The following B3GALT1 variants were observed in gnomAD, a reference collection of about 807,000 sequenced individuals.
B3GALT1 encodes the protein UDP-Gal:betaGlcNAc beta 1,3-galactosyltransferase, polypeptide 1.
A neutral mutation model predicts 23.2 loss-of-function variants in B3GALT1; 10 were observed. The observed-to-expected ratio is 0.43, with a 90% confidence interval of 0.27 to 0.73. The LOEUF (loss-of-function observed/expected upper bound fraction) is 0.73. Among genes scored for constraint, B3GALT1 ranks in the 30% least tolerant of loss-of-function variants. B3GALT1 has a pLI of 0.21. For synonymous variants in B3GALT1, 156 were observed against 141.5 expected, an observed-to-expected ratio of 1.10 and a Z score of -0.73; for missense variants, 299 against 405.4, an observed-to-expected ratio of 0.74 and a Z score of 2.25.
chr2:167,679,122 G>GTT (rs34522800), intron 3 of B3GALT1, among the ~76,000 whole-genome samples: 2,229 of 144,982 alleles, frequency 0.015, 50 homozygotes, highest in African/African-American at 0.048. Flanking sequence ...TTTTGTTTTT[G>GTT]TTTTTTTTTT....
intron 3 of B3GALT1, among the ~76,000 whole-genome samples, chr2:167,795,917 G>A (rs1002964196): frequency 1.3e-5 from 2 of 152,166 alleles, no homozygotes; most frequent in Non-Finnish European, 2.9e-5. Flanking sequence ...CATATCCTGG[G>A]CAGTGCATTC....
chr2:167,382,899 A>T (rs1170943707), intron 1 of B3GALT1, among the ~76,000 whole-genome samples: 1 of 152,130 alleles, frequency 6.6e-6, no homozygotes, highest in African/African-American at 2.4e-5. Context: ...TTCCTTATAT[A>T]TTTACTGAAA....
At chr2:167,490,140 C>A (rs1312166278) in intron 1 of B3GALT1, 37 bp from the exon 2 acceptor site, 1 of 152,124 alleles carries the variant, frequency 6.6e-6, no homozygotes, top group South Asian at 2.1e-4. Context: ...AGCTGAAGTG[C>A]CTCCAAAGTT....
chr2:167,613,011 T>G lies in B3GALT1; in HGVS notation c.-409-33898T>G, dbSNP rs116852128. Among the ~76,000 whole-genome samples the G allele has an allele frequency of 2.2e-3, 335 of 152,044 alleles. 5 individuals are homozygous for G. The East Asian group carries it at 0.045, about 20-fold the overall frequency. On this transcript the variant is annotated intron_variant, in intron 2 of 4. Coordinates refer to ENST00000392690, the MANE Select transcript of B3GALT1 (RefSeq NM_020981.4). ...GTTTTGTTCAATGTATCCTATACATTTGAGCATCTGGCATTTCCCCAAAAG... is the reference window on the plus strand; with the variant it reads ...GTTTTGTTCAATGTATCCTATACATGTGAGCATCTGGCATTTCCCCAAAAG...
rs568426486 is a variant in B3GALT1 at position 167,480,695 on chromosome 2, C to T, written c.-510-9482C>T. On this transcript the variant is annotated intron_variant, in intron 1 of 4. Transcript: ENST00000392690. Reference sequence around the variant, plus strand: ...AGAGCTGCCTTGCTGACATTTCCACCTATTGCAGCTTAGTTTGTTGAAGGC... The same window carrying T: ...AGAGCTGCCTTGCTGACATTTCCACTTATTGCAGCTTAGTTTGTTGAAGGC... 2.6e-5 allele frequency among the ~76,000 whole-genome samples: 4 copies of T among 152,308 alleles called. No homozygotes were observed. In the East Asian group the frequency reaches 7.7e-4, roughly 29 times the overall value.
chr2:167,486,774 A>C (rs1699632341), intron 1 of B3GALT1, among the ~76,000 whole-genome samples: 1 of 152,146 alleles, frequency 6.6e-6, no homozygotes, highest in Non-Finnish European at 1.5e-5. Flanking sequence ...AATGACGAGG[A>C]AATACAGAGA....
chr2:167,626,085 A>G lies in B3GALT1; in HGVS notation c.-409-20824A>G, dbSNP rs1399436792. Among the ~76,000 whole-genome samples, 19 of 150,910 alleles carry G rather than the reference A, an allele frequency of 1.3e-4. No individual in the cohort carries two copies. The South Asian group carries it at 4.0e-3, about 32-fold the overall frequency. On this transcript the variant is annotated intron_variant, in intron 2 of 4. Coordinates refer to ENST00000392690, the MANE Select transcript of B3GALT1 (RefSeq NM_020981.4). ...CTGAAAGTACAGCAAAAGGGTTAGG[A>G]AAAAGAAAAAGAGAAGGTGATTTGA...
chr2:167,509,356 AAAT>A (rs1234846322), intron 2 of B3GALT1, among the ~76,000 whole-genome samples: 1 of 152,216 alleles, frequency 6.6e-6, no homozygotes, highest in African/African-American at 2.4e-5. Context: ...TGGAAACAAC[AAAT>A]AATAATAAAC....
intron 1 of B3GALT1, among the ~76,000 whole-genome samples, chr2:167,453,033 A>G (rs997260708): frequency 2.6e-5 from 4 of 152,216 alleles, no homozygotes; most frequent in African/African-American, 7.2e-5. Flanking sequence ...TTGTAATGCC[A>G]AGTAAAGTAT....
At chr2:167,341,230 T>C (rs903307616) in intron 1 of B3GALT1, among the ~76,000 whole-genome samples, 10 of 152,072 alleles carry the variant, frequency 6.6e-5, no homozygotes, top group African/African-American at 2.4e-4. Flanking sequence ...ACATGATCTT[T>C]TTGGTTGAGT....
chr2:167,334,259 G>T (rs1025980266), intron 1 of B3GALT1, among the ~76,000 whole-genome samples: 1 of 152,172 alleles, frequency 6.6e-6, no homozygotes, highest in Admixed American at 6.5e-5. Context: ...CTGCCTTTAA[G>T]ATTAGTATGG....
rs551013631 is a variant in B3GALT1, at chr2:167,873,350, C to G, written c.*3330C>G. ...ATGTAATATTGTATTTTTAAATAAC[C>G]AGAATCAACAAAGCGAAGATCACTT... is the stretch of plus-strand genomic sequence containing the variant. On this transcript the variant is annotated 3_prime_UTR_variant, in exon 5 of 5. Transcript: ENST00000392690. 2.0e-5 allele frequency: 3 copies of G among 152,116 alleles called. No individual in the cohort carries two copies. Among genetic ancestry groups the G allele is most frequent in the South Asian group, 4.2e-4 (2 of 4,814 alleles). 9.4% of individuals were successfully genotyped at this position (152,116 alleles called of 1,614,324 possible). A position where few individuals can be genotyped will look rare whatever the true frequency, so the allele number is the denominator to read the frequency against.
Position 167,426,297 on chromosome 2 carries a change from T to C in B3GALT1, c.-510-63880T>C, listed in dbSNP as rs142392082. 4.8e-3 allele frequency among the ~76,000 whole-genome samples: 714 copies of C among 149,668 alleles called. 6 individuals are homozygous for C. Among genetic ancestry groups the C allele is most frequent in the East Asian group, 0.018 (92 of 5,102 alleles). ...CATTCTTTTTTTTTTTTTTTTGAGA[T>C]GGAGTCTTGCTCTGTCGCCCAGGCT... On this transcript the variant is annotated intron_variant, in intron 1 of 4. Transcript: ENST00000392690.
chr2:167,670,651 C>G (rs1034643546), intron 3 of B3GALT1, among the ~76,000 whole-genome samples: 1 of 151,896 alleles, frequency 6.6e-6, no homozygotes, highest in Non-Finnish European at 1.5e-5. Context: ...ACAGATAACT[C>G]AATGAAATAG....
At chr2:167,600,727 TCATGGCTGAAAA>T in intron 2 of B3GALT1, among the ~76,000 whole-genome samples, 1 of 152,372 alleles carries the variant, frequency 6.6e-6, no homozygotes, top group South Asian at 2.1e-4. Flanking sequence ...GCATGCCTTT[TCATGGCTGAAAA>T]CATGGCTGAA....
intron 1 of B3GALT1, among the ~76,000 whole-genome samples, chr2:167,297,804 C>A (rs536718349): frequency 5.0e-4 from 76 of 152,056 alleles, no homozygotes; most frequent in Non-Finnish European, 9.1e-4. Flanking sequence ...AAATTATACT[C>A]CGAAGAAGTT....
chr2:167,551,323 C>T (rs1431912), intron 2 of B3GALT1, among the ~76,000 whole-genome samples: 85,959 of 152,140 alleles, frequency 0.56, 28,447 homozygotes, highest in East Asian at 0.99. Flanking sequence ...TTTGATTGAG[C>T]TGGTGGAAGA....
chr2:167,525,956 TCA>T (rs1683212312), intron 2 of B3GALT1, among the ~76,000 whole-genome samples: 1 of 152,024 alleles, frequency 6.6e-6, no homozygotes, highest in African/African-American at 2.4e-5. Flanking sequence ...GTCCTTTTGA[TCA>T]CAGTCCCCAA....
chr2:167,316,003 G>A (rs1237755797), intron 1 of B3GALT1, among the ~76,000 whole-genome samples: 1 of 152,104 alleles, frequency 6.6e-6, no homozygotes, highest in Admixed American at 6.6e-5. Flanking sequence ...GAAATGTACT[G>A]ACCAGAATTT....
Sources: gnomAD v4.1 joint callset for allele counts (sites outside exome capture counted in the v4.1 genomes callset) on GRCh38, gnomAD v4.1.1 for gene constraint, MANE v1.5 for transcripts, NCBI Gene and HGNC (gene_info 2026-07-23, HGNC 2026-07-21) for gene names.